RUNX1T1: variants seen among roughly 807,000 people sequenced by gnomAD.
RUNX1T1 encodes the protein protein CBFA2T1.
Under a neutral mutation model 62.8 loss-of-function variants are expected in RUNX1T1, and 4 were observed. The ratio of observed to expected loss-of-function variants is 0.06; its 90% confidence interval spans 0.03 to 0.15. The LOEUF (loss-of-function observed/expected upper bound fraction) is 0.15, where lower values mean the gene tolerates loss of function less well. Ranked by LOEUF, RUNX1T1 falls within the 10% of genes least tolerant of loss-of-function variation. The pLI is 1.00. For synonymous variants in RUNX1T1, 291 were observed against 286.0 expected (o/e 1.02, Z -0.18); for missense variants, 508 against 754.3 (o/e 0.67, Z 3.82).
chr8:91,994,676 G>A (rs1818343771), intron 5 of RUNX1T1: 6 of 487,446 alleles, frequency 1.2e-5, no homozygotes, highest in Admixed American at 1.2e-4. Flanking sequence ...TGTGCCACCT[G>A]AGGTGCTGAA....
chr8:92,067,892 T>C (rs1267137390), upstream of RUNX1T1, among the ~76,000 whole-genome samples: 1 of 152,228 alleles, frequency 6.6e-6, no homozygotes. Flanking sequence ...ACGTCTAATA[T>C]TTTAAAATTT....
intron 1 of RUNX1T1, chr8:92,095,669 G>C (rs1033786199): frequency 1.9e-6 from 2 of 1,032,200 alleles, no homozygotes; most frequent in African/African-American, 3.3e-5. Context: ...AGAGACACAG[G>C]CAGGAGGGAA....
intron 1 of RUNX1T1, among the ~76,000 whole-genome samples, chr8:92,057,807 T>C (rs894106907): frequency 5.3e-5 from 8 of 152,182 alleles, no homozygotes; most frequent in African/African-American, 1.7e-4. Flanking sequence ...GATTTATTCC[T>C]CTAGATATGG....
intron 2 of RUNX1T1, among the ~76,000 whole-genome samples, chr8:92,015,945 A>T (rs1008966883): frequency 6.6e-6 from 1 of 152,180 alleles, no homozygotes; most frequent in Admixed American, 6.5e-5. Context: ...CACGGTTACA[A>T]CTTGGCATTG....
chr8:92,031,560 C>T (rs1260215431), intron 1 of RUNX1T1, among the ~76,000 whole-genome samples: 1 of 152,140 alleles, frequency 6.6e-6, no homozygotes, highest in Non-Finnish European at 1.5e-5. Context: ...CAGCCTTGAC[C>T]TCATGGGCTC....
At chr8:92,089,638 G>A (rs1037857455) in intron 1 of RUNX1T1, among the ~76,000 whole-genome samples, 2 of 152,080 alleles carry the variant, frequency 1.3e-5, no homozygotes, top group Non-Finnish European at 2.9e-5. Flanking sequence ...ACTATGAGGC[G>A]AAAGCATAAA....
rs34991280 is a variant in RUNX1T1, at chr8:92,014,582, T to C, written c.384A>G (p.Leu128=). The C allele has an allele frequency of 1.9e-3, 2,993 of 1,599,748 alleles. 3 individuals carry two copies. Among genetic ancestry groups the C allele is most frequent in the Non-Finnish European group, 2.4e-3 (2,849 of 1,171,120 alleles). ...GGGTTGGTTTCCATTTGCTTACCACTAGTCCCAGAACGAGGGTGCGAACTC... is the reference window on the plus strand; with the variant it reads ...GGGTTGGTTTCCATTTGCTTACCACCAGTCCCAGAACGAGGGTGCGAACTC... Residue 128 remains leucine, a synonymous_variant, in exon 3 of 11, where the codon CTA becomes CTG. Coordinates refer to ENST00000396218, the Ensembl canonical transcript of RUNX1T1.
At chr8:92,071,850 G>A (rs753109268) in intron 2 of RUNX1T1, among the ~76,000 whole-genome samples, 7 of 152,084 alleles carry the variant, frequency 4.6e-5, no homozygotes, top group African/African-American at 1.7e-4. Context: ...AGAACTGCCC[G>A]GAGCATCAAC....
At chr8:91,985,483 GAATT>G (rs1816361390) in intron 8 of RUNX1T1, among the ~76,000 whole-genome samples, 1 of 151,968 alleles carries the variant, frequency 6.6e-6, no homozygotes. Flanking sequence ...GATAAAACTA[GAATT>G]AATATAATCA....
Position 91,967,930 on chromosome 8 carries a change from T to C in RUNX1T1, c.1458+2728A>G, listed in dbSNP as rs185958411. 1.7e-4 allele frequency among the ~76,000 whole-genome samples: 26 copies of C among 152,284 alleles called. No homozygotes were observed. In the East Asian group the frequency reaches 4.2e-3, roughly 25 times the overall value. ...AATACTTTAGTAAATACTGTGATTT[T>C]TTAAAAACTGTGGGAAATATGAGCA... On this transcript the variant is annotated intron_variant, in intron 10 of 10. Transcript: ENST00000396218.
At chr8:92,099,157 A>C (rs1215331407) in intron 1 of RUNX1T1, among the ~76,000 whole-genome samples, 8 of 152,372 alleles carry the variant, frequency 5.3e-5, no homozygotes, top group Admixed American at 3.9e-4. Flanking sequence ...ACATAATTTA[A>C]CAAGTTGGGG....
intron 5 of RUNX1T1, among the ~76,000 whole-genome samples, chr8:91,999,809 G>A (rs1314914815): frequency 3.3e-5 from 5 of 152,164 alleles, no homozygotes; most frequent in African/African-American, 9.7e-5. Context: ...GTTAGGCCAT[G>A]AGGTATTAAT....
At chr8:91,998,099 G>C (rs754023915) in intron 5 of RUNX1T1, among the ~76,000 whole-genome samples, 25 of 152,028 alleles carry the variant, frequency 1.6e-4, no homozygotes, top group Non-Finnish European at 2.9e-4. Context: ...TTGAATCAAG[G>C]GGGGGAAAAT....
At chr8:91,997,968 C>T (rs1819029310) in intron 5 of RUNX1T1, among the ~76,000 whole-genome samples, 1 of 152,152 alleles carries the variant, frequency 6.6e-6, no homozygotes, top group South Asian at 2.1e-4. Flanking sequence ...AAGTCTGTAT[C>T]TAAATCTTAG....
upstream of RUNX1T1, among the ~76,000 whole-genome samples, chr8:92,065,696 A>C (rs1832774087): frequency 1.3e-5 from 2 of 152,344 alleles, no homozygotes; most frequent in Middle Eastern, 3.4e-3. Flanking sequence ...TCCTCTGTTC[A>C]AACCTGACTT....
exon 11 of RUNX1T1, chr8:91,959,486 G>GTA: frequency 1.4e-5 from 2 of 139,510 alleles, no homozygotes; most frequent in East Asian, 1.4e-4. Flanking sequence ...GTGTGTGTGT[G>GTA]TGTATATATA....
chr8:92,012,132 C>T (rs1822066496), intron 3 of RUNX1T1, among the ~76,000 whole-genome samples: 2 of 152,194 alleles, frequency 1.3e-5, no homozygotes, highest in Non-Finnish European at 2.9e-5. Flanking sequence ...CCCCCACACT[C>T]AAAACATCTT....
At chr8:91,963,752 A>G (rs1320971228) in intron 10 of RUNX1T1, among the ~76,000 whole-genome samples, 4 of 152,230 alleles carry the variant, frequency 2.6e-5, no homozygotes, top group Non-Finnish European at 5.9e-5. Context: ...GGCTTAATCT[A>G]ATTTTACATT....
chr8:92,027,153 A>C (rs898306998), intron 1 of RUNX1T1, among the ~76,000 whole-genome samples: 2 of 151,996 alleles, frequency 1.3e-5, no homozygotes, highest in Admixed American at 6.6e-5. Context: ...AACAAACAAA[A>C]AAAGCATCTT....
Sources: gnomAD v4.1 joint callset for allele counts (sites outside exome capture counted in the v4.1 genomes callset) on GRCh38, gnomAD v4.1.1 for gene constraint, MANE v1.5 for transcripts, NCBI Gene and HGNC (gene_info 2026-07-23, HGNC 2026-07-21) for gene names.